Variants in RGS5 observed in about 807,000 individuals in gnomAD.
RGS5 encodes the protein regulator of G protein signaling 5, also known as regulator of G-protein signalling 5.
In RGS5, 20 loss-of-function variants were observed where a neutral mutation model predicts 18.9. The ratio of observed to expected loss-of-function variants is 1.06; its 90% CI spans 0.74 to 1.54. RGS5 has a LOEUF of 1.54. RGS5 is among the 40% of genes most tolerant of loss of function. RGS5 has a pLI of 0.00. For missense variants in RGS5, 201 were observed against 211.8 expected (o/e 0.95, Z 0.32); for synonymous variants, 57 against 76.2 (o/e 0.75, Z 1.31).
chr1:163,284,327 T>C (rs1221966711), intron 2 of RGS5, among the ~76,000 whole-genome samples: 5 of 152,206 alleles, frequency 3.3e-5, no homozygotes, highest in African/African-American at 1.2e-4. Flanking sequence ...TTGATTCTTT[T>C]TCATAGCTAT....
intron 1 of RGS5, among the ~76,000 whole-genome samples, chr1:163,320,492 C>T (rs1258616276): frequency 6.6e-6 from 1 of 152,126 alleles, no homozygotes; most frequent in Non-Finnish European, 1.5e-5. Flanking sequence ...AATCCAACTC[C>T]CTTTGACCGT....
At chr1:163,253,152 C>T (rs542049088) in intron 2 of RGS5, among the ~76,000 whole-genome samples, 8 of 152,260 alleles carry the variant, frequency 5.3e-5, no homozygotes, top group South Asian at 2.1e-4. Context: ...GTGTTTTCTG[C>T]TTTTTCTAGA....
At chr1:163,310,333 T>C (rs1350911111) in intron 1 of RGS5, among the ~76,000 whole-genome samples, 3 of 152,148 alleles carry the variant, frequency 2.0e-5, no homozygotes, top group Non-Finnish European at 2.9e-5. Context: ...ACGCCTGTAA[T>C]CCCAGCACTT....
At chr1:163,174,876 G>A (rs1658479192) in intron 1 of RGS5, among the ~76,000 whole-genome samples, 1 of 152,162 alleles carries the variant, frequency 6.6e-6, no homozygotes, top group South Asian at 2.1e-4. Context: ...AAGAGAGGGA[G>A]GAGAGTTGAG....
intron 2 of RGS5, among the ~76,000 whole-genome samples, chr1:163,247,930 C>T (rs1167857181): frequency 6.6e-6 from 1 of 152,190 alleles, no homozygotes; most frequent in Non-Finnish European, 1.5e-5. Flanking sequence ...GTTTTTCCTA[C>T]TCCAACTTGC....
chr1:163,261,979 AATG>A (rs1282155097), intron 2 of RGS5, among the ~76,000 whole-genome samples: 8 of 152,140 alleles, frequency 5.3e-5, no homozygotes, highest in Admixed American at 4.6e-4. Context: ...CATCTAGGAC[AATG>A]ATATTCTTGA....
At chr1:163,287,824 T>C (rs570883591) in intron 2 of RGS5, among the ~76,000 whole-genome samples, 4 of 152,336 alleles carry the variant, frequency 2.6e-5, no homozygotes, top group Admixed American at 1.3e-4. Context: ...CACAGCTTTC[T>C]CATTAATTTG....
intron 2 of RGS5, among the ~76,000 whole-genome samples, chr1:163,164,426 T>C (rs1338630078): frequency 6.6e-6 from 1 of 152,218 alleles, no homozygotes; most frequent in African/African-American, 2.4e-5. Context: ...CTAGTATAAA[T>C]GCCACCTGGC....
chr1:163,281,031 G>A (rs1242570721), intron 2 of RGS5, among the ~76,000 whole-genome samples: 1 of 152,072 alleles, frequency 6.6e-6, no homozygotes, highest in African/African-American at 2.4e-5. Flanking sequence ...CATGGGGGTG[G>A]GTCTTTCCTG....
chr1:163,251,341 G>A (rs1337008501), intron 2 of RGS5, among the ~76,000 whole-genome samples: 2 of 152,060 alleles, frequency 1.3e-5, no homozygotes, highest in Non-Finnish European at 2.9e-5. Context: ...AAGAAGAGAA[G>A]ATATATTTAG....
At position 163,276,476 on chromosome 1, in the gene RGS5, T is replaced by C. The variant is rs112713216; in HGVS notation, c.-281+29757A>G. ...TTTTTCATAACGATGCTTACGTTCG[T>C]ATATCTAATTGCTATAAGTCTGTAA... On this transcript the variant is annotated intron_variant, in intron 2 of 5. Coordinates refer to the RGS5 transcript ENST00000618415. 1.2e-3 allele frequency among the ~76,000 whole-genome samples: 190 copies of C among 152,356 alleles called. 1 individual carries two copies. The highest frequency in any genetic ancestry group is 4.4e-3 in the African/African-American group (184 of 41,596).
At chr1:163,255,626 C>G (rs35999417) in intron 2 of RGS5, among the ~76,000 whole-genome samples, 1 of 149,558 alleles carries the variant, frequency 6.7e-6, no homozygotes, top group Non-Finnish European at 1.5e-5. Flanking sequence ...CCAGCATCAT[C>G]CTGATACCAA....
At chr1:163,303,569 G>C (rs1210250375) in intron 2 of RGS5, among the ~76,000 whole-genome samples, 1 of 152,162 alleles carries the variant, frequency 6.6e-6, no homozygotes, top group African/African-American at 2.4e-5. Flanking sequence ...GAGAGCTTCT[G>C]TATACTTAAA....
At chr1:163,172,059 G>A (rs751180886) in intron 1 of RGS5, among the ~76,000 whole-genome samples, 15 of 152,146 alleles carry the variant, frequency 9.9e-5, no homozygotes, top group Non-Finnish European at 1.3e-4. Context: ...GGGTGGGTGC[G>A]TGTTATTTTA....
At chr1:163,223,976 T>G (rs1312628089) in intron 2 of RGS5, among the ~76,000 whole-genome samples, 1 of 152,198 alleles carries the variant, frequency 6.6e-6, no homozygotes, top group Non-Finnish European at 1.5e-5. Flanking sequence ...AGTGTAATGT[T>G]TTGGTACATG....
intron 2 of RGS5, among the ~76,000 whole-genome samples, chr1:163,224,163 T>G (rs1647285184): frequency 6.6e-6 from 1 of 152,068 alleles, no homozygotes. Flanking sequence ...AACTTGTCCC[T>G]CCTATCTAAC....
chr1:163,192,157 T>G (rs936520463), intron 1 of RGS5, among the ~76,000 whole-genome samples: 24 of 152,212 alleles, frequency 1.6e-4, no homozygotes, highest in Admixed American at 1.6e-3. Context: ...CCGTGTCTTA[T>G]GAGACATTAT....
chr1:163,305,989 T>G (rs1440973042), intron 2 of RGS5, among the ~76,000 whole-genome samples: 1 of 150,326 alleles, frequency 6.7e-6, no homozygotes, highest in Non-Finnish European at 1.5e-5. Flanking sequence ...TACAACTGTT[T>G]CTTATTTTTT....
chr1:163,205,187 T>C (rs551687938), upstream of RGS5, among the ~76,000 whole-genome samples: 1 of 152,098 alleles, frequency 6.6e-6, no homozygotes, highest in South Asian at 2.1e-4. Context: ...GGAGTTCCTA[T>C]TCAATAAAGT....
Sources: allele counts gnomAD v4.1 joint callset (sites outside exome capture counted in the v4.1 genomes callset), GRCh38; gene constraint gnomAD v4.1.1; transcripts MANE v1.5; gene names NCBI Gene and HGNC (gene_info 2026-07-23, HGNC 2026-07-21).